The following ITIH6 variants were observed in gnomAD, a reference collection of about 807,000 sequenced individuals.
ITIH6 encodes inter-alpha-trypsin inhibitor heavy chain H6.
A neutral mutation model predicts 58.2 loss-of-function variants in ITIH6; 60 were observed. The observed-to-expected ratio is 1.03, with a 90% CI of 0.84 to 1.28. The LOEUF is 1.28. Ranked by LOEUF, ITIH6 falls within the 50% of genes most tolerant of loss-of-function variation. The probability of loss-of-function intolerance (pLI) is 0.00; values close to 1 mark genes in which losing one functional copy is unlikely to be tolerated. For synonymous variants in ITIH6, 493 were observed against 417.4 expected, an observed-to-expected ratio of 1.18 and a Z score of -2.21; for missense variants, 1,290 against 1,021.1, an observed-to-expected ratio of 1.26 and a Z score of -3.59.
At chrX:54,778,805 T>C (rs1929099768) in intron 5 of ITIH6, among the ~76,000 whole-genome samples, 1 of 111,088 alleles carries the variant, frequency 9.0e-6, no homozygotes. Flanking sequence ...ACCAAGCAGA[T>C]TTTACCCAAA....
intron 6 of ITIH6, among the ~76,000 whole-genome samples, chrX:54,764,359 C>G (rs1361116785): frequency 9.2e-6 from 1 of 108,265 alleles, no homozygotes; most frequent in Non-Finnish European, 1.9e-5. Context: ...GCTGCACCCA[C>G]TAACTCGTCA....
chrX:54,797,218 C>T, intron 1 of ITIH6, 122 bp from the exon 2 acceptor site: 1 of 508,240 alleles, frequency 2.0e-6, no homozygotes, highest in Non-Finnish European at 3.0e-6. Context: ...TAAACTAAGG[C>T]CTAGAGAGGG....
chrX:54,784,816 C>T (rs1929213400), intron 5 of ITIH6, among the ~76,000 whole-genome samples: 1 of 111,729 alleles, frequency 9.0e-6, no homozygotes, highest in South Asian at 3.8e-4. Context: ...AGGGCTTCAT[C>T]ATACAATCCG....
chrX:54,793,776 G>A (rs958787093), intron 2 of ITIH6, among the ~76,000 whole-genome samples: 107 of 111,199 alleles, frequency 9.6e-4, no homozygotes, highest in African/African-American at 3.1e-3. Context: ...AGAAAGTTGG[G>A]GTGGTTGAGT....
In ITIH6 at chrX:54,755,067, C is replaced by A. The variant is rs1310850523; in HGVS notation, c.3152G>T (p.Gly1051Val). ...TTGAGATTCCATGCTGCCTCCAGCT[C>A]CTCCCAGGATCTCCTCAGAATTGCC... ...WDGNSEEILG[G>V]AGGSMESQGS... The change falls in exon 9 of 13, where the codon GGA (glycine) becomes GTA (valine). Residue 1051 changes from glycine (G) to valine (V), a missense_variant. Transcript: ENST00000218436. 8.3e-7 allele frequency: 1 copy of A among 1,211,071 alleles called. No individual in the cohort carries two copies. Among genetic ancestry groups the A allele is most frequent in the South Asian group, 1.8e-5 (1 of 56,889 alleles).
intron 8 of ITIH6, 23 bp downstream of exon 8, chrX:54,756,942 G>A (rs772432661): frequency 4.8e-6 from 5 of 1,045,370 alleles, no homozygotes; most frequent in East Asian, 3.1e-5. Flanking sequence ...CTCATGGCTC[G>A]ACCTCTTACC....
At position 54,751,331 on chromosome X, in the gene ITIH6, G is replaced by A. The variant is rs779925990; in HGVS notation, c.3402C>T (p.His1134=). The A allele has an allele frequency of 8.3e-7, 1 of 1,212,056 alleles. No individual in the cohort carries two copies. Among genetic ancestry groups the A allele is most frequent in the African/African-American group, 1.7e-5 (1 of 57,908 alleles). Residue 1134 remains histidine, a synonymous_variant, in exon 12 of 13, where the codon CAC becomes CAT. Transcript: ENST00000218436. ...GGAAGTAGGTGCGAGTCTGGTCCTTGTGGCCCGGCCTTGGTGGTGCGCCAA... is the reference window on the plus strand; with the variant it reads ...GGAAGTAGGTGCGAGTCTGGTCCTTATGGCCCGGCCTTGGTGGTGCGCCAA... ...KLLGAPPRPG[H]KDQTRTYFQI...
At chrX:54,782,437 T>G (rs1005527448) in intron 5 of ITIH6, among the ~76,000 whole-genome samples, 1 of 110,537 alleles carries the variant, frequency 9.0e-6, no homozygotes, top group Non-Finnish European at 1.9e-5. Flanking sequence ...TAATAATAAT[T>G]AAATAAAAAT....
rs772621510 is a variant in ITIH6 at position 54,758,882 on chromosome X, C to A, written c.1192G>T (p.Gly398Trp). Reference sequence around the variant, plus strand: ...GTCGTCACGCCGGCCGTGGGCTCCCCATCCGTCAGGAAGATGATAAGAGGG... The same window carrying A: ...GTCGTCACGCCGGCCGTGGGCTCCCAATCCGTCAGGAAGATGATAAGAGGG... ...RIPLIIFLTD[G>W]EPTAGVTTPS... The change falls in exon 8 of 13, where the codon GGG becomes TGG. Residue 398 changes from glycine to tryptophan, a missense_variant. Transcript: ENST00000218436. 5.0e-6 allele frequency: 6 copies of A among 1,209,246 alleles called. No homozygotes were observed. In the East Asian group the frequency reaches 8.9e-5, roughly 18 times the overall value.
intron 5 of ITIH6, among the ~76,000 whole-genome samples, chrX:54,779,050 G>T (rs773382239): frequency 8.9e-6 from 1 of 111,931 alleles, no homozygotes; most frequent in Non-Finnish European, 1.9e-5. Flanking sequence ...TCCCTCAAAC[G>T]TGAAAGAGAA....
At chrX:54,779,819 C>T (rs1239872499) in intron 5 of ITIH6, among the ~76,000 whole-genome samples, 2 of 110,624 alleles carry the variant, frequency 1.8e-5, no homozygotes, top group Admixed American at 1.9e-4. Context: ...CTATAAGACA[C>T]ACATAGACTA....
At chrX:54,783,862 A>T (rs1426989774) in intron 5 of ITIH6, among the ~76,000 whole-genome samples, 1 of 112,229 alleles carries the variant, frequency 8.9e-6, no homozygotes, top group Non-Finnish European at 1.9e-5. Context: ...GAACCAGAAA[A>T]GACCCAGAAT....
At chrX:54,785,743 T>C (rs759372160) in intron 5 of ITIH6, among the ~76,000 whole-genome samples, 202 of 111,292 alleles carry the variant, frequency 1.8e-3, no homozygotes, top group Non-Finnish European at 2.8e-3. Flanking sequence ...GAAAAGAAAA[T>C]GATTATGCTG....
At chrX:54,792,824 A>G (rs1239732523) in intron 2 of ITIH6, among the ~76,000 whole-genome samples, 1 of 112,235 alleles carries the variant, frequency 8.9e-6, no homozygotes, top group Non-Finnish European at 1.9e-5. Context: ...GTAGTCTTGA[A>G]GCTAAGCCTG....
chrX:54,768,581 G>A (rs1231041473), intron 6 of ITIH6, among the ~76,000 whole-genome samples: 1 of 107,051 alleles, frequency 9.3e-6, no homozygotes, highest in Non-Finnish European at 1.9e-5. Flanking sequence ...TTTTAGGGCA[G>A]GCCTGGTGGT....
intron 5 of ITIH6, among the ~76,000 whole-genome samples, chrX:54,777,537 G>A (rs1349686423): frequency 3.6e-5 from 4 of 112,500 alleles, no homozygotes; most frequent in Non-Finnish European, 7.5e-5. Context: ...CTGACCCAAC[G>A]CAGTCATAGG....
intron 12 of ITIH6, 130 bp downstream of exon 12, chrX:54,750,873 A>G (rs1928337868): frequency 2.9e-6 from 2 of 683,689 alleles, no homozygotes; most frequent in Non-Finnish European, 4.2e-6. Context: ...TCCCAAGATG[A>G]GGAGCTCCCC....
chrX:54,780,099 T>G (rs183429353), intron 5 of ITIH6, among the ~76,000 whole-genome samples: 3 of 111,282 alleles, frequency 2.7e-5, no homozygotes, highest in African/African-American at 3.3e-5. Flanking sequence ...GACCCCACAT[T>G]TGGCACTGGA....
At chrX:54,770,267 C>A (rs1055847638) in intron 6 of ITIH6, among the ~76,000 whole-genome samples, 2 of 112,598 alleles carry the variant, frequency 1.8e-5, no homozygotes, top group Non-Finnish European at 3.8e-5. Context: ...CACTGGCCTG[C>A]GCCCACTGTC....
Sources: allele counts gnomAD v4.1 joint callset (sites outside exome capture counted in the v4.1 genomes callset), GRCh38; gene constraint gnomAD v4.1.1; transcripts MANE v1.5; gene names NCBI Gene and HGNC (gene_info 2026-07-23, HGNC 2026-07-21).